Variants in KCNQ1OT1 observed in about 807,000 individuals in gnomAD.
The protein encoded by KCNQ1OT1 is KCNQ1 antisense RNA 2 (non-protein coding).
chr11:2,694,888 C>T (rs1850648946), exon 1 of KCNQ1OT1: 1 of 398,446 alleles, frequency 2.5e-6, no homozygotes, highest in South Asian at 1.3e-4. Context: ...AAGGAATTGT[C>T]AAGGGAAGAT....
chr11:2,645,547 C>T lies in KCNQ1OT1; in HGVS notation n.54448G>A, dbSNP rs1208495879. 1 of 398,638 alleles carries T rather than the reference C, an allele frequency of 2.5e-6. No homozygotes were observed. Among genetic ancestry groups the T allele is most frequent in the Non-Finnish European group, 4.4e-6 (1 of 226,220 alleles). 24.7% of individuals were successfully genotyped at this position (398,638 alleles called of 1,614,324 possible). ...CTCCTGGGGAAGTTGAGTGGGATTG[C>T]TTTCAGTGGCAGCAGCTATAAACAG... On this transcript the variant is annotated non_coding_transcript_exon_variant, in exon 1 of 1. Coordinates refer to ENST00000597346, the Ensembl canonical transcript of KCNQ1OT1. This position sits in a 1 kb window ranked among gnomAD's most constrained non-coding sequence, Gnocchi z 5.8.
Position 2,676,742 on chromosome 11 carries a change from G to A in KCNQ1OT1, n.23253C>T, listed in dbSNP as rs991705647. ...TCATATGCATAGTGGCTTTGGGTAC[G>A]ATGGTCTGCTGTATGAAGCAACCCT... On this transcript the variant is annotated non_coding_transcript_exon_variant, in exon 1 of 1. Coordinates refer to ENST00000597346, the Ensembl canonical transcript of KCNQ1OT1. This position sits in a 1 kb window ranked among gnomAD's most constrained non-coding sequence, Gnocchi z 4.2. 8 of 398,518 alleles carry A rather than the reference G, an allele frequency of 2.0e-5. No individual in the cohort carries two copies. The highest frequency in any genetic ancestry group is 6.2e-4 in the Middle Eastern group (1 of 1,610). The allele number at this position is 398,518 out of a possible 1,614,324, so 24.7% of individuals were successfully genotyped here.
chr11:2,621,320 T>G lies in KCNQ1OT1; in HGVS notation n.78675A>C, dbSNP rs1381282928. 1 of 398,594 alleles carries G rather than the reference T, an allele frequency of 2.5e-6. No individual in the cohort carries two copies. Among genetic ancestry groups the G allele is most frequent in the Non-Finnish European group, 4.4e-6 (1 of 226,048 alleles). 24.7% of individuals were successfully genotyped at this position (398,594 alleles called of 1,614,324 possible). On this transcript the variant is annotated non_coding_transcript_exon_variant, in exon 1 of 1. Coordinates refer to ENST00000597346, the Ensembl canonical transcript of KCNQ1OT1. This position sits in a 1 kb window ranked among gnomAD's most constrained non-coding sequence, Gnocchi z 5.7. ...GATTATTAGTGATCATGAGAATGTT[T>G]TTTTGTTTGGCTACTTCTGTATTTT...
Position 2,617,299 on chromosome 11 carries a change from A to G in KCNQ1OT1, n.82696T>C, listed in dbSNP as rs923672096. ...TGTATATTTGACTTTTTTCTTTTTA[A>G]GATTCTACATATAGGTGAGATTATT... is the stretch of plus-strand genomic sequence containing the variant. On this transcript the variant is annotated non_coding_transcript_exon_variant, in exon 1 of 1. Coordinates refer to ENST00000597346, the Ensembl canonical transcript of KCNQ1OT1. The surrounding 1 kb of genome is among the most constrained non-coding windows in gnomAD (Gnocchi z 4.6). The G allele has an allele frequency of 5.0e-6, 2 of 398,212 alleles. No homozygotes were observed. Among genetic ancestry groups the G allele is most frequent in the Non-Finnish European group, 8.9e-6 (2 of 225,922 alleles). The allele number at this position is 398,212 out of a possible 1,614,324, so 24.7% of individuals were successfully genotyped here.
Position 2,674,831 on chromosome 11 carries a change from TTAAAAAAAAA to T in KCNQ1OT1, n.25154_25163del, listed in dbSNP as rs1850263282. The T allele has an allele frequency of 2.7e-6, 1 of 367,734 alleles. No homozygotes were observed. The highest frequency in any genetic ancestry group is 4.6e-6 in the Non-Finnish European group (1 of 217,594). 22.8% of individuals were successfully genotyped at this position (367,734 alleles called of 1,614,324 possible). On this transcript the variant is annotated non_coding_transcript_exon_variant, in exon 1 of 1. Transcript: ENST00000597346. This position sits in a 1 kb window ranked among gnomAD's most constrained non-coding sequence, Gnocchi z 5.9. ...GGCTTGTCACCCTAATAGCTGTTTT[TTAAAAAAAAA>T]AAAAAAAAAAAAAAAAAAAGCTCAC...
exon 1 of KCNQ1OT1, chr11:2,614,067 T>C (rs912962271): frequency 2.5e-6 from 1 of 398,504 alleles, no homozygotes; most frequent in African/African-American, 2.1e-5. Flanking sequence ...CAATCTCTTA[T>C]GCTTGCATGT....
Position 2,671,097 on chromosome 11 carries a change from T to A in KCNQ1OT1, n.28898A>T. On this transcript the variant is annotated non_coding_transcript_exon_variant, in exon 1 of 1. Transcript: ENST00000597346. The surrounding 1 kb of genome is among the most constrained non-coding windows in gnomAD (Gnocchi z 4.7). The stretch of plus-strand genomic sequence containing the variant: ...TGGCTAGCAGGAGGAAGTCTGGCAG[T>A]TAGTCTGAGCAGTTAGTCTGTCAGG... 7.9e-6 allele frequency: 1 copy of A among 126,224 alleles called. No individual in the cohort carries two copies. The highest frequency in any genetic ancestry group is 1.1e-5 in the Non-Finnish European group (1 of 87,374). 7.8% of individuals were successfully genotyped at this position (126,224 alleles called of 1,614,324 possible).
exon 1 of KCNQ1OT1, chr11:2,680,384 G>GC: frequency 2.5e-6 from 1 of 398,084 alleles, no homozygotes; most frequent in East Asian, 3.6e-5. Flanking sequence ...CAAATCCATT[G>GC]CAACATCCTT....
At chr11:2,630,513 A>G in exon 1 of KCNQ1OT1, 1 of 398,352 alleles carries the variant, frequency 2.5e-6, no homozygotes, top group Non-Finnish European at 4.4e-6. Context: ...TGATGCCCCA[A>G]GGTACACCTT....
chr11:2,616,851 T>C (rs10766218), exon 1 of KCNQ1OT1: 233,838 of 397,928 alleles, frequency 0.59, 70,008 homozygotes, highest in East Asian at 0.75. Flanking sequence ...GAGAAGAATG[T>C]GTAGTTGGGT....
Position 2,651,136 on chromosome 11 carries a change from G to A in KCNQ1OT1, n.48859C>T. On this transcript the variant is annotated non_coding_transcript_exon_variant, in exon 1 of 1. Coordinates refer to ENST00000597346, the Ensembl canonical transcript of KCNQ1OT1. The surrounding 1 kb of genome is among the most constrained non-coding windows in gnomAD (Gnocchi z 6.1). ...CTCCATTCTTCACATAACAGCTCAAGGGAGTTCTTTAAATGTACAGTGGAT... is the reference window on the plus strand; with the variant it reads ...CTCCATTCTTCACATAACAGCTCAAAGGAGTTCTTTAAATGTACAGTGGAT... The A allele has an allele frequency of 2.5e-6, 1 of 398,646 alleles. No individual in the cohort carries two copies. The highest frequency in any genetic ancestry group is 4.4e-6 in the Non-Finnish European group (1 of 226,102). The allele number at this position is 398,646 out of a possible 1,614,324, so 24.7% of individuals were successfully genotyped here.
chr11:2,662,107 G>T, exon 1 of KCNQ1OT1: 1 of 1,614,018 alleles, frequency 6.2e-7, no homozygotes, highest in South Asian at 1.1e-5. Context: ...TGCGTGAAGG[G>T]CTGGGCTGGA....
exon 1 of KCNQ1OT1, chr11:2,625,803 T>A (rs1322284620): frequency 7.5e-6 from 3 of 398,158 alleles, no homozygotes; most frequent in Non-Finnish European, 1.3e-5. Context: ...TCTCCTGACT[T>A]CATGATCCTC....
Position 2,690,354 on chromosome 11 carries a change from G to A in KCNQ1OT1, n.9641C>T. On this transcript the variant is annotated non_coding_transcript_exon_variant, in exon 1 of 1. Coordinates refer to ENST00000597346, the Ensembl canonical transcript of KCNQ1OT1. The surrounding 1 kb of genome is among the most constrained non-coding windows in gnomAD (Gnocchi z 5.1). The stretch of plus-strand genomic sequence containing the variant: ...AGTCTGAGGCTGCCCTGCAGCTGCT[G>A]TTTCCACTACTTGGCATGGAACATG... 3 of 398,704 alleles carry A rather than the reference G, an allele frequency of 7.5e-6. No homozygotes were observed. In the Admixed American group the frequency reaches 1.3e-4, roughly 18 times the overall value. The allele number at this position is 398,704 out of a possible 1,614,324, so 24.7% of individuals were successfully genotyped here. A position where few individuals can be genotyped will look rare whatever the true frequency, so the allele number is the denominator to read the frequency against.
exon 1 of KCNQ1OT1, chr11:2,692,137 G>T: frequency 2.5e-6 from 1 of 398,520 alleles, no homozygotes; most frequent in Non-Finnish European, 4.4e-6. Context: ...TCTACTGAAG[G>T]CCCCTGTCCT....
chr11:2,691,594 A>G lies in KCNQ1OT1; in HGVS notation n.8401T>C, dbSNP rs971892388. The G allele has an allele frequency of 5.0e-6, 2 of 398,418 alleles. No homozygotes were observed. The highest frequency in any genetic ancestry group is 8.8e-6 in the Non-Finnish European group (2 of 226,058). The allele number at this position is 398,418 out of a possible 1,614,324, so 24.7% of individuals were successfully genotyped here. A position where few individuals can be genotyped will look rare whatever the true frequency, so the allele number is the denominator to read the frequency against. ...AGCAAGGACGAGGCCTCCCTGAGGG[A>G]GTCAACCTAGCTTGTTCCCTGCACG... is the stretch of plus-strand genomic sequence containing the variant. On this transcript the variant is annotated non_coding_transcript_exon_variant, in exon 1 of 1. Coordinates refer to ENST00000597346, the Ensembl canonical transcript of KCNQ1OT1. The surrounding 1 kb of genome is among the most constrained non-coding windows in gnomAD (Gnocchi z 6.4).
rs1312458170 is a variant in KCNQ1OT1 at position 2,620,211 on chromosome 11, AT to A, written n.79783del. The A allele has an allele frequency of 9.3e-3, 2,411 of 259,686 alleles. 8 individuals carry two copies. Among genetic ancestry groups the A allele is most frequent in the Non-Finnish European group, 0.013 (1,872 of 147,714 alleles). The allele number at this position is 259,686 out of a possible 1,614,324, so 16.1% of individuals were successfully genotyped here. A position where few individuals can be genotyped will look rare whatever the true frequency, so the allele number is the denominator to read the frequency against. On this transcript the variant is annotated non_coding_transcript_exon_variant, in exon 1 of 1. Coordinates refer to ENST00000597346, the Ensembl canonical transcript of KCNQ1OT1. The surrounding 1 kb of genome is among the most constrained non-coding windows in gnomAD (Gnocchi z 4.5). ...TAAGTTCATTCATGTATATATATAT[AT>A]TTTTTTTTTTTATTTTTTTTTTAGA...
rs768823764 is a variant in KCNQ1OT1, at chr11:2,668,675, C to G, written n.31320G>C. On this transcript the variant is annotated non_coding_transcript_exon_variant, in exon 1 of 1. Transcript: ENST00000597346. The surrounding 1 kb of genome is among the most constrained non-coding windows in gnomAD (Gnocchi z 4.3). ...CTTTAGATATTCTGGAGTCATTTGT[C>G]AGAGAGAGAGATACACACACTCACA... 3 of 398,396 alleles carry G rather than the reference C, an allele frequency of 7.5e-6. No individual in the cohort carries two copies. Among genetic ancestry groups the G allele is most frequent in the African/African-American group, 2.1e-5 (1 of 48,602 alleles). 24.7% of individuals were successfully genotyped at this position (398,396 alleles called of 1,614,324 possible). A position where few individuals can be genotyped will look rare whatever the true frequency, so the allele number is the denominator to read the frequency against.
Position 2,676,241 on chromosome 11 carries a change from G to C in KCNQ1OT1, n.23754C>G, listed in dbSNP as rs1054688596. Reference sequence around the variant, plus strand: ...TACAATGCTGATTTATTATGGTGCAGTACATCTGAGAAGCATTTTTATTGC... The same window carrying C: ...TACAATGCTGATTTATTATGGTGCACTACATCTGAGAAGCATTTTTATTGC... On this transcript the variant is annotated non_coding_transcript_exon_variant, in exon 1 of 1. Coordinates refer to ENST00000597346, the Ensembl canonical transcript of KCNQ1OT1. The surrounding 1 kb of genome is among the most constrained non-coding windows in gnomAD (Gnocchi z 4.2). 5.0e-5 allele frequency: 20 copies of C among 398,620 alleles called. No individual in the cohort carries two copies. The East Asian group carries it at 6.8e-4, about 13-fold the overall frequency. The allele number at this position is 398,620 out of a possible 1,614,324, so 24.7% of individuals were successfully genotyped here.
Sources: allele counts gnomAD v4.1 joint callset, GRCh38; gene constraint gnomAD v4.1.1; non-coding constraint Gnocchi (gnomAD v3.1); transcripts MANE v1.5; gene names NCBI Gene and HGNC (gene_info 2026-07-23, HGNC 2026-07-21).